The following GSTCD variants were observed in gnomAD, a reference collection of about 807,000 sequenced individuals.
GSTCD encodes the protein glutathione S-transferase C-terminal domain containing.
GSTCD carries 44 observed loss-of-function variants against 68.3 expected under a neutral mutation model. The observed-to-expected ratio is 0.64, with a 90% CI of 0.51 to 0.83. GSTCD has a LOEUF of 0.83. Ranked by LOEUF, GSTCD falls within the 40% of genes least tolerant of loss-of-function variation. The probability of loss-of-function intolerance (pLI) is 0.00; values close to 1 mark genes in which losing one functional copy is unlikely to be tolerated. For missense variants in GSTCD, 739 were observed against 735.9 expected (o/e 1.00, Z -0.05); for synonymous variants, 273 against 255.2 (o/e 1.07, Z -0.67).
intron 5 of GSTCD, among the ~76,000 whole-genome samples, chr4:105,785,511 T>C (rs746995508): frequency 1.1e-4 from 17 of 152,314 alleles, no homozygotes; most frequent in South Asian, 2.1e-4. Flanking sequence ...TTTTATTTTG[T>C]TCAATGAGTT....
intron 8 of GSTCD, among the ~76,000 whole-genome samples, chr4:105,831,151 T>C (rs534093808): frequency 6.6e-6 from 1 of 152,308 alleles, no homozygotes; most frequent in East Asian, 1.9e-4. Flanking sequence ...TATAATATTG[T>C]TGTATGAAAG....
At chr4:105,738,069 C>T (rs904799338) in intron 5 of GSTCD, among the ~76,000 whole-genome samples, 2 of 152,206 alleles carry the variant, frequency 1.3e-5, no homozygotes, top group African/African-American at 4.8e-5. Context: ...CTTCCTAAGA[C>T]CCTTACCAGA....
intron 5 of GSTCD, among the ~76,000 whole-genome samples, chr4:105,734,998 A>G (rs1368539671): frequency 6.6e-6 from 1 of 152,120 alleles, no homozygotes; most frequent in Non-Finnish European, 1.5e-5. Context: ...AACAGCGAAT[A>G]TTGTTGAACA....
At chr4:105,830,182 G>C (rs148643703) in intron 8 of GSTCD, among the ~76,000 whole-genome samples, 41 of 152,228 alleles carry the variant, frequency 2.7e-4, no homozygotes, top group Non-Finnish European at 5.3e-4. Flanking sequence ...CCTAAGCCAA[G>C]GCACCTTGTG....
chr4:105,776,106 C>T (rs993987963), intron 5 of GSTCD, among the ~76,000 whole-genome samples: 4 of 152,192 alleles, frequency 2.6e-5, no homozygotes, highest in African/African-American at 7.2e-5. Flanking sequence ...CGGTGGGCTA[C>T]GCCCAGTTCT....
rs1418958080 is a variant in GSTCD at position 105,718,007 on chromosome 4, T to A, written c.394T>A (p.Phe132Ile). The change falls in exon 2 of 12, where the codon TTT becomes ATT. Residue 132 changes from phenylalanine (F) to isoleucine (I), a missense_variant. Physicochemically the swap from Phe to Ile is conservative, Grantham distance 21. Coordinates refer to ENST00000515279, the MANE Select transcript of GSTCD (RefSeq NM_001370181.1). ...GAAGGAACTTTTGGAACTTCTGGGC[T>A]TTAAAAAGACTTGCTTGAAAGCCTG... is the stretch of plus-strand genomic sequence containing the variant. Reference protein sequence around the residue: ...LKKELLELLGFKKTCLKACAE... With the variant: ...LKKELLELLGIKKTCLKACAE... 1.9e-6 allele frequency: 3 copies of A among 1,608,004 alleles called. No individual in the cohort carries two copies. The highest frequency in any genetic ancestry group is 2.5e-6 in the Non-Finnish European group (3 of 1,178,072).
At position 105,834,488 on chromosome 4, in the gene GSTCD, A is replaced by G. The variant is rs201518782; in HGVS notation, c.1558A>G (p.Thr520Ala). The G allele has an allele frequency of 6.4e-5, 104 of 1,614,088 alleles. No individual in the cohort carries two copies. Among genetic ancestry groups the G allele is most frequent in the Non-Finnish European group, 5.9e-6 (7 of 1,179,984 alleles). The change falls in exon 9 of 12, where the codon ACA becomes GCA. Residue 520 changes from threonine to alanine, a missense_variant. Physicochemically the swap from Thr to Ala is moderately conservative, Grantham distance 58. Transcript: ENST00000515279. ...AGCATTGCATGCTTGTGGAGTGGCA[A>G]CAGACATGGTGATTGAGCACTGTAT... Reference protein sequence around the residue: ...GVALHACGVATDMVIEHCIKT... With the variant: ...GVALHACGVAADMVIEHCIKT...
intron 7 of GSTCD, 195 bp downstream of exon 7, chr4:105,823,470 A>G: frequency 2.3e-6 from 1 of 440,532 alleles, no homozygotes; most frequent in Admixed American, 3.8e-5. Context: ...AAGATCATAA[A>G]ACATTTATCA....
At chr4:105,791,168 C>T (rs535306009) in intron 5 of GSTCD, among the ~76,000 whole-genome samples, 5 of 151,868 alleles carry the variant, frequency 3.3e-5, no homozygotes, top group East Asian at 3.9e-4. Context: ...CCGAGGTGGG[C>T]GGATCACGAG....
chr4:105,757,945 C>G (rs1303629055), intron 5 of GSTCD, among the ~76,000 whole-genome samples: 6 of 152,076 alleles, frequency 3.9e-5, no homozygotes, highest in Non-Finnish European at 8.8e-5. Flanking sequence ...TTTTACTAGG[C>G]CTTTAGACAT....
chr4:105,836,905 G>A (rs1007403148), intron 9 of GSTCD, among the ~76,000 whole-genome samples: 4 of 152,272 alleles, frequency 2.6e-5, no homozygotes, highest in Non-Finnish European at 4.4e-5. Flanking sequence ...TCTATAGTAC[G>A]TGGAAAGAAG....
Position 105,834,490 on chromosome 4 carries a change from A to G in GSTCD, c.1560A>G (p.Thr520=), listed in dbSNP as rs201243923. The G allele has an allele frequency of 1.6e-4, 256 of 1,614,132 alleles. No homozygotes were observed. Among genetic ancestry groups the G allele is most frequent in the South Asian group, 1.1e-3 (103 of 91,064 alleles). The stretch of plus-strand genomic sequence containing the variant: ...CATTGCATGCTTGTGGAGTGGCAAC[A>G]GACATGGTGATTGAGCACTGTATCA... ...GVALHACGVA[T]DMVIEHCIKT... Residue 520 remains threonine (T), a synonymous_variant, in exon 9 of 12, where the codon ACA becomes ACG. Coordinates refer to ENST00000515279, the MANE Select transcript of GSTCD (RefSeq NM_001370181.1).
chr4:105,733,868 T>G lies in GSTCD; in HGVS notation c.1240+4369T>G, dbSNP rs568692479. Among the ~76,000 whole-genome samples the G allele has an allele frequency of 6.2e-4, 94 of 152,316 alleles. 1 individual carries two copies. Among genetic ancestry groups the G allele is most frequent in the African/African-American group, 8.7e-4 (36 of 41,584 alleles). ...TTTAGTGCTTCCTTCAGGAGCTCTT[T>G]TAGGGCAGGCCTGGTGGTGACAAAA... is the stretch of plus-strand genomic sequence containing the variant. On this transcript the variant is annotated intron_variant, in intron 5 of 11. Transcript: ENST00000515279.
intron 3 of GSTCD, among the ~76,000 whole-genome samples, chr4:105,722,666 A>G (rs917796277): frequency 1.3e-5 from 2 of 151,974 alleles, no homozygotes; most frequent in African/African-American, 4.8e-5. Flanking sequence ...TATTCTGACA[A>G]ATTTTTCTGC....
intron 5 of GSTCD, among the ~76,000 whole-genome samples, chr4:105,805,417 C>T (rs1269558698): frequency 6.6e-6 from 1 of 152,070 alleles, no homozygotes; most frequent in African/African-American, 2.4e-5. Context: ...GAAGGCACAT[C>T]TATTTTGAAA....
chr4:105,820,789 T>C (rs1300278723), intron 5 of GSTCD, among the ~76,000 whole-genome samples: 1 of 151,902 alleles, frequency 6.6e-6, no homozygotes, highest in Non-Finnish European at 1.5e-5. Context: ...TTTTTTTATA[T>C]GCAAAGATGC....
At chr4:105,779,976 A>G in intron 5 of GSTCD, among the ~76,000 whole-genome samples, 1 of 152,162 alleles carries the variant, frequency 6.6e-6, no homozygotes, top group South Asian at 2.1e-4. Context: ...TTTCTTTCTT[A>G]TTTTCCCCTC....
intron 5 of GSTCD, among the ~76,000 whole-genome samples, chr4:105,743,202 G>A (rs1455795534): frequency 2.0e-5 from 3 of 151,896 alleles, no homozygotes; most frequent in Non-Finnish European, 4.4e-5. Flanking sequence ...TGCCCCCCTT[G>A]GCCTCCCAAA....
At chr4:105,814,584 C>G (rs1466633820) in intron 5 of GSTCD, among the ~76,000 whole-genome samples, 2 of 151,960 alleles carry the variant, frequency 1.3e-5, no homozygotes, top group Non-Finnish European at 2.9e-5. Flanking sequence ...TACACTCCAG[C>G]CTGGTTGACA....
Sources: allele counts gnomAD v4.1 joint callset (sites outside exome capture counted in the v4.1 genomes callset), GRCh38; gene constraint gnomAD v4.1.1; transcripts MANE v1.5; gene names NCBI Gene and HGNC (gene_info 2026-07-23, HGNC 2026-07-21).